The following USP37 variants were observed in gnomAD, a reference collection of about 807,000 sequenced individuals.
USP37 encodes ubiquitin carboxyl-terminal hydrolase 37.
In USP37, 27 loss-of-function variants were observed where a neutral mutation model predicts 124.0. The observed-to-expected ratio is 0.22, with a 90% CI of 0.16 to 0.30. The LOEUF is 0.30. Ranked by LOEUF, USP37 falls within the 10% of genes least tolerant of loss-of-function variation. The probability of loss-of-function intolerance (pLI) is 1.00; values close to 1 mark genes in which losing one functional copy is unlikely to be tolerated. For missense variants in USP37, 889 were observed against 1,140.4 expected, an observed-to-expected ratio of 0.78 and a Z score of 3.17; for synonymous variants, 365 against 388.0, an observed-to-expected ratio of 0.94 and a Z score of 0.70.
At chr2:218,567,253 C>T (rs116805514) in intron 1 of USP37, among the ~76,000 whole-genome samples, 2,306 of 152,234 alleles carry the variant, frequency 0.015, 27 homozygotes, top group Middle Eastern at 0.034. Flanking sequence ...CAGCAGAATG[C>T]AACACTACTG....
At chr2:218,531,790 A>G (rs1284782179) in intron 9 of USP37, among the ~76,000 whole-genome samples, 1 of 152,248 alleles carries the variant, frequency 6.6e-6, no homozygotes, top group Non-Finnish European at 1.5e-5. Context: ...AGGGTTCAAG[A>G]CATCAGTGGA....
At chr2:218,546,359 T>C (rs191931339) in intron 7 of USP37, 61 bp from the exon 8 acceptor site, 2 of 1,166,130 alleles carry the variant, frequency 1.7e-6, no homozygotes, top group South Asian at 1.3e-5. Context: ...CAAAAATTCA[T>C]AAATCAACAT....
At chr2:218,497,641 G>C in intron 13 of USP37, 93 bp downstream of exon 13, 1 of 1,514,314 alleles carries the variant, frequency 6.6e-7, no homozygotes, top group Non-Finnish European at 9.0e-7. Flanking sequence ...GACCTCAGGT[G>C]ACCTGCCCAC....
intron 6 of USP37, among the ~76,000 whole-genome samples, chr2:218,548,055 TG>T (rs1266111136): frequency 6.6e-6 from 1 of 152,166 alleles, no homozygotes; most frequent in Non-Finnish European, 1.5e-5. Flanking sequence ...AGCATCTGAA[TG>T]AATACTTTAA....
At chr2:218,477,842 A>C (rs187722239) in intron 18 of USP37, among the ~76,000 whole-genome samples, 1 of 152,360 alleles carries the variant, frequency 6.6e-6, no homozygotes, top group Non-Finnish European at 1.5e-5. Context: ...CTTTTAAAAG[A>C]TAAATCGTTA....
chr2:218,499,276 A>T (rs1019781103), intron 11 of USP37, among the ~76,000 whole-genome samples: 7 of 125,164 alleles, frequency 5.6e-5, no homozygotes, highest in South Asian at 2.9e-4. Context: ...TATGTTTTTT[A>T]AAAAAACAAA....
rs955052658 is a variant in USP37 at position 218,451,739 on chromosome 2, G to C, written c.*3191C>G. 6.6e-6 allele frequency: 1 copy of C among 152,438 alleles called. No homozygotes were observed. Among genetic ancestry groups the C allele is most frequent in the African/African-American group, 2.4e-5 (1 of 41,422 alleles). 9.4% of individuals were successfully genotyped at this position (152,438 alleles called of 1,614,324 possible). On this transcript the variant is annotated 3_prime_UTR_variant, in exon 26 of 26. Coordinates refer to ENST00000258399, the MANE Select transcript of USP37 (RefSeq NM_020935.3). The stretch of plus-strand genomic sequence containing the variant: ...AAAATAAATGTGTAGTCTAACATTT[G>C]CTTTCTGGAGTTAATTAACTGATCT...
In USP37 at chr2:218,454,977, G is replaced by C; in HGVS notation, c.2893C>G (p.Gln965Glu). The part of the protein sequence containing the change: ...DELLETEKNS[Q>E]SLSTEVGKTT... ...TTCCCCACTTCCGTGCTAAGTGACTGAGAGTTCTTTTCTGTTTCCAGCAGC... is the reference window on the plus strand; with the variant it reads ...TTCCCCACTTCCGTGCTAAGTGACTCAGAGTTCTTTTCTGTTTCCAGCAGC... The change falls in exon 26 of 26, where the codon CAG becomes GAG. Residue 965 changes from glutamine (Q) to glutamate (E), a missense_variant. Physicochemically the swap from Gln to Glu is conservative, Grantham distance 29. Coordinates refer to ENST00000258399, the MANE Select transcript of USP37 (RefSeq NM_020935.3). The C allele has an allele frequency of 6.2e-7, 1 of 1,614,090 alleles. No homozygotes were observed. The highest frequency in any genetic ancestry group is 8.5e-7 in the Non-Finnish European group (1 of 1,180,032).
intron 9 of USP37, among the ~76,000 whole-genome samples, chr2:218,533,943 A>G (rs1370355478): frequency 1.3e-5 from 2 of 152,250 alleles, no homozygotes; most frequent in African/African-American, 4.8e-5. Flanking sequence ...GCTTCAGACA[A>G]TAATTTCAAG....
At chr2:218,473,050 T>C (rs972258847) in intron 20 of USP37, 8 of 152,188 alleles carry the variant, frequency 5.3e-5, no homozygotes, top group East Asian at 1.9e-4. Context: ...GCTGTTTTTT[T>C]CCCCATACCC....
chr2:218,510,083 C>A lies in USP37; in HGVS notation c.921G>T (p.Gln307His), dbSNP rs1559196287. Residue 307 changes from glutamine to histidine, a missense_variant, in exon 11 of 26, where the codon CAG becomes CAT. Around this residue, in one of 3 missense-constraint regions of USP37, gnomAD observed 374 missense variants for 386.0 expected, o/e 0.97. Transcript: ENST00000258399. ...GTTTTTTAACAGAAAGAGGAACTGG[C>A]TGAGGAAGAAATCCCAAACTTCTTT... Reference protein sequence around the residue: ...SAKRSLGFLPQPVPLSVKKLR... With the variant: ...SAKRSLGFLPHPVPLSVKKLR... 6.2e-7 allele frequency: 1 copy of A among 1,612,992 alleles called. No individual in the cohort carries two copies. Among genetic ancestry groups the A allele is most frequent in the Non-Finnish European group, 8.5e-7 (1 of 1,179,788 alleles).
At chr2:218,489,967 G>C (rs1346369513) in intron 14 of USP37, among the ~76,000 whole-genome samples, 1 of 152,134 alleles carries the variant, frequency 6.6e-6, no homozygotes. Flanking sequence ...GCTTTAATCT[G>C]TATGAATATT....
At chr2:218,487,639 T>C (rs1473196954) in intron 15 of USP37, among the ~76,000 whole-genome samples, 1 of 152,102 alleles carries the variant, frequency 6.6e-6, no homozygotes, top group Non-Finnish European at 1.5e-5. Flanking sequence ...CAGGATGATC[T>C]TGATCTCTTG....
chr2:218,557,033 T>C (rs1039735409), intron 4 of USP37, among the ~76,000 whole-genome samples: 5 of 151,868 alleles, frequency 3.3e-5, no homozygotes, highest in African/African-American at 1.2e-4. Flanking sequence ...TGGCTATTTG[T>C]TTCTGAATTT....
intron 19 of USP37, among the ~76,000 whole-genome samples, chr2:218,476,452 G>A (rs1274022390): frequency 6.6e-6 from 1 of 151,392 alleles, no homozygotes; most frequent in Admixed American, 6.6e-5. Flanking sequence ...GTACATGCCT[G>A]TAGTCCCAGC....
In USP37 at chr2:218,483,699, GAA is replaced by G. The variant is rs1434332417; in HGVS notation, c.1671-1467_1671-1466del. Among the ~76,000 whole-genome samples the G allele has an allele frequency of 4.0e-5, 6 of 151,896 alleles. No homozygotes were observed. In the South Asian group the frequency reaches 1.2e-3, roughly 32 times the overall value. On this transcript the variant is annotated intron_variant, in intron 16 of 25. Transcript: ENST00000258399. ...CCAAATAGCAAGAGAATGGGAAAGA[GAA>G]AAGACATCCAGCATGTGAGGTCAAA...
chr2:218,475,317 A>G (rs1690909690), intron 19 of USP37, among the ~76,000 whole-genome samples: 1 of 152,228 alleles, frequency 6.6e-6, no homozygotes, highest in African/African-American at 2.4e-5. Context: ...TAAACACGAC[A>G]TCAAGATTAT....
At chr2:218,516,087 T>C (rs1184926644) in intron 10 of USP37, among the ~76,000 whole-genome samples, 1 of 152,132 alleles carries the variant, frequency 6.6e-6, no homozygotes, top group Admixed American at 6.5e-5. Context: ...ACACTGTTGG[T>C]GGGAGTGTAA....
At chr2:218,475,054 A>G (rs141055941) in intron 19 of USP37, 169 bp from the exon 20 acceptor site, 4 of 510,046 alleles carry the variant, frequency 7.8e-6, no homozygotes. Context: ...GTCTAACTTT[A>G]AAAATAATAA....
Sources: gnomAD v4.1 joint callset for allele counts (sites outside exome capture counted in the v4.1 genomes callset) on GRCh38, gnomAD v4.1.1 for gene constraint, gnomAD v4.1.1 regional missense constraint, MANE v1.5 for transcripts, NCBI Gene and HGNC (gene_info 2026-07-23, HGNC 2026-07-21) for gene names.